Variants in ADCY5 observed in about 807,000 individuals in gnomAD.
The protein encoded by ADCY5 is adenylate cyclase type 5.
Under a neutral mutation model 119.7 loss-of-function variants are expected in ADCY5, and 30 were observed. The ratio of observed to expected loss-of-function variants is 0.25; its 90% CI spans 0.19 to 0.34. The LOEUF (loss-of-function observed/expected upper bound fraction) is 0.34. Among genes scored for constraint, ADCY5 ranks in the 10% least tolerant of loss-of-function variants. ADCY5 has a pLI of 1.00. For synonymous variants in ADCY5, 753 were observed against 762.2 expected, an observed-to-expected ratio of 0.99 and a Z score of 0.20; for missense variants, 1,324 against 1,775.2, an observed-to-expected ratio of 0.75 and a Z score of 4.57.
chr3:123,343,994 C>T (rs1942403391), intron 3 of ADCY5, among the ~76,000 whole-genome samples: 1 of 152,248 alleles, frequency 6.6e-6, no homozygotes, highest in African/African-American at 2.4e-5. Context: ...ATCAAAACAT[C>T]CTACAGGCTC....
chr3:123,324,448 ACACACACACACACACACACAC>A (rs1224174284), intron 8 of ADCY5, among the ~76,000 whole-genome samples: 20 of 105,660 alleles, frequency 1.9e-4, no homozygotes, highest in African/African-American at 6.7e-4. Flanking sequence ...ACACACACAC[ACACACACACACACACACACAC>A]AGTCCCTGTG....
Position 123,448,242 on chromosome 3 carries a change from C to T in ADCY5, c.304G>A (p.Ala102Thr), listed in dbSNP as rs548282891. ...GFGFSFRSKS[A>T]WQERGGDDCG... ...TCGTCGCCGCCGCGCTCCTGCCAGGCGGACTTGGAGCGGAAGCTGAAGCCG... is the reference window on the plus strand; with the variant it reads ...TCGTCGCCGCCGCGCTCCTGCCAGGTGGACTTGGAGCGGAAGCTGAAGCCG... The change falls in exon 1 of 21, where the codon GCC becomes ACC. Residue 102 changes from alanine to threonine, a missense_variant. Ala to Thr is a moderately conservative substitution (Grantham distance 58). Transcript: ENST00000462833. 9.3e-5 allele frequency: 134 copies of T among 1,447,536 alleles called. 1 individual carries two copies. The Admixed American group carries it at 2.7e-3, about 29-fold the overall frequency. 89.7% of individuals were successfully genotyped at this position (1,447,536 alleles called of 1,614,324 possible). A position where few individuals can be genotyped will look rare whatever the true frequency, so the allele number is the denominator to read the frequency against.
chr3:123,399,907 G>A (rs987102767), intron 1 of ADCY5, among the ~76,000 whole-genome samples: 1 of 152,162 alleles, frequency 6.6e-6, no homozygotes, highest in South Asian at 2.1e-4. Context: ...AAGTCAACAG[G>A]TAAGGAAACA....
chr3:123,317,951 C>T, intron 11 of ADCY5, 69 bp downstream of exon 11: 1 of 1,425,322 alleles, frequency 7.0e-7, no homozygotes, highest in Admixed American at 1.7e-5. Context: ...TCCTAAATGA[C>T]CACCCCCTCC....
intron 1 of ADCY5, among the ~76,000 whole-genome samples, chr3:123,387,807 T>A (rs1174661911): frequency 6.6e-6 from 1 of 152,230 alleles, no homozygotes; most frequent in Non-Finnish European, 1.5e-5. Flanking sequence ...TCTTGGGTTT[T>A]GAGACACATC....
chr3:123,320,499 G>A (rs924292966), intron 9 of ADCY5, among the ~76,000 whole-genome samples: 8 of 152,338 alleles, frequency 5.3e-5, no homozygotes, highest in Non-Finnish European at 8.8e-5. Context: ...GTGCACAAGC[G>A]TGTCACGGAG....
chr3:123,312,378 C>T (rs949038641), intron 12 of ADCY5, among the ~76,000 whole-genome samples: 3 of 151,938 alleles, frequency 2.0e-5, no homozygotes, highest in Non-Finnish European at 4.4e-5. Flanking sequence ...GTGGTTGTGA[C>T]TTTTCATTGT....
chr3:123,342,631 C>T (rs1942346103), intron 3 of ADCY5, among the ~76,000 whole-genome samples: 1 of 152,098 alleles, frequency 6.6e-6, no homozygotes, highest in South Asian at 2.1e-4. Context: ...AGGACCAGCA[C>T]CCACTAGAGG....
intron 2 of ADCY5, among the ~76,000 whole-genome samples, chr3:123,349,329 C>T (rs964071358): frequency 6.6e-6 from 1 of 152,220 alleles, no homozygotes; most frequent in African/African-American, 2.4e-5. Flanking sequence ...ATTCCTTTCC[C>T]CTCAGCCGCA....
At chr3:123,427,152 C>G (rs944829692) in intron 1 of ADCY5, among the ~76,000 whole-genome samples, 2 of 152,168 alleles carry the variant, frequency 1.3e-5, no homozygotes, top group African/African-American at 4.8e-5. Context: ...CTCCAGCTCC[C>G]TCAGTGGGCC....
chr3:123,347,677 C>G, intron 3 of ADCY5, 105 bp downstream of exon 3: 1 of 1,473,432 alleles, frequency 6.8e-7, no homozygotes, highest in Non-Finnish European at 9.3e-7. Context: ...TCCAAAGTCA[C>G]CAAGCCACCC....
intron 1 of ADCY5, among the ~76,000 whole-genome samples, chr3:123,440,091 C>T (rs940535778): frequency 2.6e-5 from 4 of 152,224 alleles, no homozygotes; most frequent in African/African-American, 4.8e-5. Flanking sequence ...TTAGAGTCTG[C>T]GTGCAGACGT....
At chr3:123,402,155 CT>C (rs1193881773) in intron 1 of ADCY5, among the ~76,000 whole-genome samples, 1 of 152,170 alleles carries the variant, frequency 6.6e-6, no homozygotes, top group African/African-American at 2.4e-5. Context: ...CTGAGATAGG[CT>C]GAGAACACAA....
At position 123,328,541 on chromosome 3, in the gene ADCY5, C is replaced by G. The variant is rs1003562212; in HGVS notation, c.1805+103G>C. The G allele has an allele frequency of 8.5e-6, 12 of 1,404,078 alleles. No homozygotes were observed. The Admixed American group carries it at 2.0e-4, about 23-fold the overall frequency. 87.0% of individuals were successfully genotyped at this position (1,404,078 alleles called of 1,614,324 possible). ...CACAGGTGCTTGCTGCCCATCCTGC[C>G]CACCCCACCCTGCCCCGCCTCGCCT... is the stretch of plus-strand genomic sequence containing the variant. On this transcript the variant is annotated intron_variant, in intron 6 of 20. Coordinates refer to ENST00000462833, the MANE Select transcript of ADCY5 (RefSeq NM_183357.3).
chr3:123,350,009 C>T (rs1318464546), intron 2 of ADCY5, among the ~76,000 whole-genome samples: 1 of 152,200 alleles, frequency 6.6e-6, no homozygotes, highest in Non-Finnish European at 1.5e-5. Context: ...ACCTGCTGTC[C>T]CAGCAGCACT....
intron 1 of ADCY5, among the ~76,000 whole-genome samples, chr3:123,425,781 G>A (rs1469308714): frequency 6.6e-6 from 1 of 152,000 alleles, no homozygotes; most frequent in Non-Finnish European, 1.5e-5. Flanking sequence ...AGGTTCTAGG[G>A]GCAGCCTGGC....
intron 1 of ADCY5, among the ~76,000 whole-genome samples, chr3:123,437,838 G>T (rs564141065): frequency 6.6e-6 from 1 of 152,292 alleles, no homozygotes; most frequent in Admixed American, 6.5e-5. Flanking sequence ...AAGGGTCATT[G>T]TGCAGACCCA....
In ADCY5 at chr3:123,300,124, C is replaced by T. The variant is rs747567385; in HGVS notation, c.2896G>A (p.Ala966Thr). ...DNADLLVTAN[A>T]IDFFNNGTSQ... The stretch of plus-strand genomic sequence containing the variant: ...CGTGAGGGAGGTGCCCCATACATGG[C>T]GTTGGCGGTGACCAGCAGGTCGGCG... The change falls in exon 15 of 21, where the codon GCC becomes ACC. Residue 966 changes from alanine to threonine, a missense_variant. By Grantham distance (58) the Ala-to-Thr change is moderately conservative. Around this residue, in one of 6 missense-constraint regions of ADCY5, gnomAD observed 424 missense variants for 546.8 expected, o/e 0.78. Transcript: ENST00000462833. 15 of 1,613,634 alleles carry T rather than the reference C, an allele frequency of 9.3e-6. No individual in the cohort carries two copies. The highest frequency in any genetic ancestry group is 1.1e-5 in the South Asian group (1 of 91,072).
intron 17 of ADCY5, among the ~76,000 whole-genome samples, chr3:123,295,658 C>T (rs1445772197): frequency 6.6e-6 from 1 of 152,182 alleles, no homozygotes; most frequent in Non-Finnish European, 1.5e-5. Flanking sequence ...GGCCAGGTTC[C>T]TCCCCTACTC....
Sources: gnomAD v4.1 joint callset for allele counts (sites outside exome capture counted in the v4.1 genomes callset) on GRCh38, gnomAD v4.1.1 for gene constraint, gnomAD v4.1.1 regional missense constraint, MANE v1.5 for transcripts, NCBI Gene and HGNC (gene_info 2026-07-23, HGNC 2026-07-21) for gene names.